Variants in NR1H2 observed in about 807,000 individuals in gnomAD.
NR1H2 encodes the protein nuclear receptor subfamily 1 group H member 2.
NR1H2 carries 33 observed loss-of-function variants against 51.2 expected under a neutral mutation model. The observed-to-expected ratio is 0.64, with a 90% CI of 0.49 to 0.86. The LOEUF (loss-of-function observed/expected upper bound fraction) is 0.86, where lower values mean the gene tolerates loss of function less well. Ranked by LOEUF, NR1H2 falls within the 40% of genes least tolerant of loss-of-function variation. NR1H2 has a pLI of 0.00. For synonymous variants in NR1H2, 310 were observed against 264.3 expected (o/e 1.17, Z -1.68); for missense variants, 592 against 639.9 (o/e 0.93, Z 0.81).
Position 50,378,305 on chromosome 19 carries a change from G to T in NR1H2, c.338G>T (p.Arg113Leu). The T allele has an allele frequency of 6.2e-7, 1 of 1,613,190 alleles. No homozygotes were observed. The highest frequency in any genetic ancestry group is 8.5e-7 in the Non-Finnish European group (1 of 1,180,020). The change falls in exon 5 of 10, where the codon CGC (arginine) becomes CTC (leucine). Residue 113 changes from arginine (R) to leucine (L), a missense_variant. By Grantham distance (102) the Arg-to-Leu change is moderately radical (BLOSUM62 -2). Coordinates refer to ENST00000253727, the MANE Select transcript of NR1H2 (RefSeq NM_007121.7). ...GAAGGCTGCAAGGGCTTCTTCCGGC[G>T]CAGTGTGGTCCGTGGTGGGGCCAGG... ...SCEGCKGFFR[R>L]SVVRGGARRY...
At chr19:50,380,334 A>G (rs1441374151) in intron 8 of NR1H2, among the ~76,000 whole-genome samples, 2 of 152,150 alleles carry the variant, frequency 1.3e-5, no homozygotes, top group Non-Finnish European at 2.9e-5. Flanking sequence ...AGCTCGGTCC[A>G]TTGTGAAGCG....
intron 4 of NR1H2, 72 bp downstream of exon 4, chr19:50,377,942 G>T: frequency 6.7e-7 from 1 of 1,486,856 alleles, no homozygotes; most frequent in Middle Eastern, 2.1e-4. Flanking sequence ...AATAGAAATG[G>T]GAATGGGAGG....
chr19:50,378,512 C>T lies in NR1H2; in HGVS notation c.473-10C>T, dbSNP rs759338336. The stretch of plus-strand genomic sequence containing the variant: ...CCTGGGGTTCTGCTGAGGCCTGCAT[C>T]CCCCTACAGGCGTCCTTTCTGAAGA... On this transcript the variant is annotated splice_polypyrimidine_tract_variant and intron_variant, in intron 5 of 9. Transcript: ENST00000253727. 29 of 1,597,630 alleles carry T rather than the reference C, an allele frequency of 1.8e-5. No homozygotes were observed. Among genetic ancestry groups the T allele is most frequent in the Admixed American group, 3.4e-5 (2 of 59,158 alleles).
Position 50,377,809 on chromosome 19 carries a change from G to C in NR1H2, c.120G>C (p.Gly40=), listed in dbSNP as rs757811207. 7.5e-6 allele frequency: 12 copies of C among 1,609,854 alleles called. No homozygotes were observed. Among genetic ancestry groups the C allele is most frequent in the Non-Finnish European group, 8.5e-6 (10 of 1,178,290 alleles). ...AGGAGGGTCCGGAGCCGTGGCCCGG[G>C]GGTCCGGACCCTGATGTCCCAGGCA... is the stretch of plus-strand genomic sequence containing the variant. ...VKEEGPEPWP[G]GPDPDVPGTD... Residue 40 remains glycine, a synonymous_variant, in exon 4 of 10, where the codon GGG becomes GGC. Coordinates refer to ENST00000253727, the MANE Select transcript of NR1H2 (RefSeq NM_007121.7).
rs1157910313 is a variant in NR1H2 at position 50,379,187 on chromosome 19, G to A, written c.927+6G>A. The A allele has an allele frequency of 6.2e-7, 1 of 1,606,896 alleles. No individual in the cohort carries two copies. The highest frequency in any genetic ancestry group is 8.5e-7 in the Non-Finnish European group (1 of 1,176,328). ...TGAAGGCATCCACTATCGAGGTAAT[G>A]GTCCATCTGCCCACAAGGAACCCCA... On this transcript the variant is annotated splice_donor_region_variant and intron_variant, in intron 7 of 9. Coordinates refer to ENST00000253727, the MANE Select transcript of NR1H2 (RefSeq NM_007121.7).
At chr19:50,380,298 G>C (rs963822308) in intron 8 of NR1H2, among the ~76,000 whole-genome samples, 11 of 152,182 alleles carry the variant, frequency 7.2e-5, no homozygotes, top group South Asian at 2.1e-4. Context: ...GCCAAAACGT[G>C]GTCTCACCCA....
At chr19:50,380,808 C>G (rs1359043615) in intron 8 of NR1H2, among the ~76,000 whole-genome samples, 1 of 152,238 alleles carries the variant, frequency 6.6e-6, no homozygotes, top group East Asian at 1.9e-4. Flanking sequence ...CCCACCCTAC[C>G]CCTTCCCAGC....
chr19:50,379,472 T>C (rs1480190953), intron 7 of NR1H2, among the ~76,000 whole-genome samples: 1 of 152,166 alleles, frequency 6.6e-6, no homozygotes, highest in Admixed American at 6.5e-5. Context: ...TATGCCAGGC[T>C]CTATTCCAAG....
In NR1H2 at chr19:50,379,820, C is replaced by CA; in HGVS notation, c.969dup (p.Glu324ArgfsTer45). 1 of 1,614,086 alleles carries CA rather than the reference C, an allele frequency of 6.2e-7. No homozygotes were observed. The highest frequency in any genetic ancestry group is 8.5e-7 in the Non-Finnish European group (1 of 1,179,940). The stretch of plus-strand genomic sequence containing the variant: ...ACAGCCAGGCGCTACAACCACGAGA[C>CA]AGAGTGTATCACCTTCTTGAAGGAC... On this transcript the variant is annotated frameshift_variant, in exon 8 of 10. Transcript: ENST00000253727. LOFTEE classifies it high-confidence loss of function.
At position 50,382,622 on chromosome 19, in the gene NR1H2, C is replaced by G; in HGVS notation, c.*20C>G. On this transcript the variant is annotated 3_prime_UTR_variant, in exon 10 of 10. Transcript: ENST00000253727. ...GAGTGAGGGGCTGGCCACCCAGCCC[C>G]ACAGCCTTGCCTGACCACCCTCCAG... 1.3e-6 allele frequency: 2 copies of G among 1,538,126 alleles called. No individual in the cohort carries two copies. The highest frequency in any genetic ancestry group is 1.7e-6 in the Non-Finnish European group (2 of 1,146,302).
At chr19:50,381,351 C>T (rs545506913) in intron 8 of NR1H2, among the ~76,000 whole-genome samples, 7 of 152,336 alleles carry the variant, frequency 4.6e-5, no homozygotes, top group East Asian at 1.9e-4. Context: ...CTTCCCTGCC[C>T]GCCTTGTGTA....
rs767154423 is a variant in NR1H2 at position 50,377,638 on chromosome 19, C to G, written c.33C>G (p.Thr11=). MSSPTTSSLD[T]PLPGNGPPQP... is the part of the protein sequence containing the mutation. The stretch of plus-strand genomic sequence containing the variant: ...CTCCTACCACGAGTTCCCTGGATAC[C>G]CCCCTGCCTGGTGAGTGACTCTCTT... Residue 11 remains threonine (T), a synonymous_variant, in exon 3 of 10, where the codon ACC becomes ACG. Transcript: ENST00000253727. 7.4e-6 allele frequency: 12 copies of G among 1,613,772 alleles called. No homozygotes were observed. In the South Asian group the frequency reaches 1.2e-4, roughly 16 times the overall value.
At position 50,382,087 on chromosome 19, in the gene NR1H2, C is replaced by T; in HGVS notation, c.1149C>T (p.Pro383=). The part of the protein sequence containing the change: ...IAINIFSADR[P]NVQEPGRVEA... ...TCAACATCTTCTCGGCCGACCGGCC[C>T]AACGTGCAGGAGCCGGGCCGCGTGG... is the stretch of plus-strand genomic sequence containing the variant. Residue 383 remains proline, a synonymous_variant, in exon 9 of 10, where the codon CCC becomes CCT. Transcript: ENST00000253727. 6.5e-7 allele frequency: 1 copy of T among 1,550,132 alleles called. No individual in the cohort carries two copies. Among genetic ancestry groups the T allele is most frequent in the Non-Finnish European group, 8.7e-7 (1 of 1,147,746 alleles).
chr19:50,380,177 G>A (rs2037743258), intron 8 of NR1H2, among the ~76,000 whole-genome samples: 1 of 152,170 alleles, frequency 6.6e-6, no homozygotes, highest in Admixed American at 6.5e-5. Flanking sequence ...AAAAAAGCAT[G>A]TATTGAGTGC....
rs551538322 is a variant in NR1H2, at chr19:50,382,883, G to C, written c.*281G>C. The C allele has an allele frequency of 3.0e-6, 1 of 331,634 alleles. No individual in the cohort carries two copies. Among genetic ancestry groups the C allele is most frequent in the East Asian group, 4.9e-5 (1 of 20,536 alleles). 20.5% of individuals were successfully genotyped at this position (331,634 alleles called of 1,614,324 possible). A position where few individuals can be genotyped will look rare whatever the true frequency, so the allele number is the denominator to read the frequency against. ...TCAAGCCCAGCACGCAGTGCACCTT[G>C]AACAGAGGGAGGGGAGGACCCATGG... On this transcript the variant is annotated 3_prime_UTR_variant, in exon 10 of 10. Coordinates refer to ENST00000253727, the MANE Select transcript of NR1H2 (RefSeq NM_007121.7).
Position 50,383,282 on chromosome 19 carries a change from T to C in NR1H2, c.*680T>C, listed in dbSNP as rs1885153201. Among the ~76,000 whole-genome samples the C allele has an allele frequency of 6.6e-6, 1 of 152,252 alleles. No individual in the cohort carries two copies. The highest frequency in any genetic ancestry group is 1.5e-5 in the Non-Finnish European group (1 of 68,040). On this transcript the variant is annotated 3_prime_UTR_variant, in exon 10 of 10. Coordinates refer to ENST00000253727, the MANE Select transcript of NR1H2 (RefSeq NM_007121.7). ...TTTAAGTGAATGAGGGGACCTGGAC[T>C]TCTGTCCGAACAACAAGTGTTTGCT...
At chr19:50,382,233 G>A (rs578252425) in intron 9 of NR1H2, 59 bp downstream of exon 9, 61 of 1,449,158 alleles carry the variant, frequency 4.2e-5, no homozygotes, top group African/African-American at 9.9e-5. Flanking sequence ...CACGTGGTCC[G>A]TTCAGGCTGG....
intron 7 of NR1H2, among the ~76,000 whole-genome samples, chr19:50,379,575 A>T (rs1326300765): frequency 6.6e-6 from 1 of 152,118 alleles, no homozygotes; most frequent in Non-Finnish European, 1.5e-5. Context: ...GGAGATGGGG[A>T]TGCAGCATGT....
In NR1H2 at chr19:50,382,682, GT is replaced by G; in HGVS notation, c.*81del. On this transcript the variant is annotated 3_prime_UTR_variant, in exon 10 of 10. Coordinates refer to ENST00000253727, the MANE Select transcript of NR1H2 (RefSeq NM_007121.7). ...GCCGGCACCCCTTCCTCTTCCTAGG[GT>G]GGAAGGGGCCCTGGGCCGAGCCTGT... The G allele has an allele frequency of 2.1e-6, 3 of 1,440,538 alleles. No homozygotes were observed. Among genetic ancestry groups the G allele is most frequent in the Non-Finnish European group, 1.9e-6 (2 of 1,080,688 alleles). The allele number at this position is 1,440,538 out of a possible 1,614,324, so 89.2% of individuals were successfully genotyped here.
Sources: gnomAD v4.1 joint callset for allele counts (sites outside exome capture counted in the v4.1 genomes callset) on GRCh38, gnomAD v4.1.1 for gene constraint, MANE v1.5 for transcripts, NCBI Gene and HGNC (gene_info 2026-07-23, HGNC 2026-07-21) for gene names.